Variants in IDE observed in about 807,000 individuals in gnomAD.
IDE encodes the protein insulin degrading enzyme.
A neutral mutation model predicts 133.2 loss-of-function variants in IDE; 58 were observed. The observed-to-expected ratio is 0.44, with a 90% CI of 0.35 to 0.54. IDE has a LOEUF of 0.54. Among genes scored for constraint, IDE ranks in the 20% least tolerant of loss-of-function variants. The probability of loss-of-function intolerance (pLI) is 0.00; values close to 1 mark genes in which losing one functional copy is unlikely to be tolerated. For missense variants in IDE, 981 were observed against 1,234.0 expected (o/e 0.79, Z 3.07); for synonymous variants, 396 against 421.3 (o/e 0.94, Z 0.73).
intron 1 of IDE, among the ~76,000 whole-genome samples, chr10:92,566,411 T>G (rs2901598): frequency 7.0e-6 from 1 of 142,952 alleles, no homozygotes; most frequent in Non-Finnish European, 1.5e-5. Flanking sequence ...TCTCTCTCTC[T>G]CTCACACACA....
chr10:92,558,534 T>C (rs1429471414), intron 1 of IDE, among the ~76,000 whole-genome samples: 1 of 152,192 alleles, frequency 6.6e-6, no homozygotes, highest in African/African-American at 2.4e-5. Flanking sequence ...ACCTATAGAA[T>C]GGCATAAAAT....
chr10:92,522,861 T>C (rs1849307051), intron 4 of IDE, among the ~76,000 whole-genome samples: 1 of 152,068 alleles, frequency 6.6e-6, no homozygotes, highest in African/African-American at 2.4e-5. Context: ...TAGCACTCAA[T>C]AAAAATTAGC....
At chr10:92,498,856 A>C (rs1468141207) in intron 11 of IDE, among the ~76,000 whole-genome samples, 1 of 152,214 alleles carries the variant, frequency 6.6e-6, no homozygotes, top group Non-Finnish European at 1.5e-5. Context: ...CCTGGAAAAC[A>C]GATTGTCTAA....
chr10:92,474,717 T>C (rs1485915481), intron 17 of IDE, 124 bp downstream of exon 17: 2 of 811,752 alleles, frequency 2.5e-6, no homozygotes, highest in East Asian at 2.8e-5. Context: ...ATAAAACATA[T>C]ACACAGCCAG....
intron 4 of IDE, among the ~76,000 whole-genome samples, chr10:92,524,815 G>T (rs1330062327): frequency 6.6e-6 from 1 of 151,568 alleles, no homozygotes; most frequent in Non-Finnish European, 1.5e-5. Flanking sequence ...CCAGCTTCTT[G>T]AAAGGCTGAG....
Position 92,463,774 on chromosome 10 carries a change from T to C in IDE, c.2718A>G (p.Lys906=), listed in dbSNP as rs768737548. Reference sequence around the variant, plus strand: ...GCTGGGAGATGATTTCTCCCCAGTATTTAGCACACTCAGCAGATAGCTTCT... The same window carrying C: ...GCTGGGAGATGATTTCTCCCCAGTACTTAGCACACTCAGCAGATAGCTTCT... ...KPKKLSAECA[K]YWGEIISQQY... is the part of the protein sequence containing the mutation. The change falls in exon 21 of 25, where the codon AAA becomes AAG. Residue 906 remains lysine (K), a synonymous_variant. Transcript: ENST00000265986. 1 of 1,614,214 alleles carries C rather than the reference T, an allele frequency of 6.2e-7. No individual in the cohort carries two copies. Among genetic ancestry groups the C allele is most frequent in the Non-Finnish European group, 8.5e-7 (1 of 1,180,012 alleles).
chr10:92,550,545 G>A (rs1192073387), intron 1 of IDE, among the ~76,000 whole-genome samples: 2 of 151,952 alleles, frequency 1.3e-5, no homozygotes, highest in Non-Finnish European at 2.9e-5. Flanking sequence ...CAGCCAATCG[G>A]GAGGCTGAGA....
chr10:92,456,859 A>G (rs1314802584), intron 22 of IDE, among the ~76,000 whole-genome samples: 2 of 149,674 alleles, frequency 1.3e-5, no homozygotes, highest in Non-Finnish European at 3.0e-5. Flanking sequence ...AAAAAAAAAA[A>G]AAAAAAAAAA....
chr10:92,569,372 T>C (rs997652247), intron 1 of IDE, among the ~76,000 whole-genome samples: 2 of 152,218 alleles, frequency 1.3e-5, no homozygotes, highest in African/African-American at 4.8e-5. Context: ...GGTTTATTAA[T>C]CTGATGTGAT....
intron 2 of IDE, among the ~76,000 whole-genome samples, chr10:92,536,588 C>T (rs1842017792): frequency 6.6e-6 from 1 of 150,790 alleles, no homozygotes; most frequent in South Asian, 2.1e-4. Flanking sequence ...ATCCCAGCTA[C>T]TTGGGAGGCT....
rs188561708 is a variant in IDE, at chr10:92,568,076, C to A, written c.98+5846G>T. Among the ~76,000 whole-genome samples, 12 of 152,366 alleles carry A rather than the reference C, an allele frequency of 7.9e-5. No individual in the cohort carries two copies. In the East Asian group the frequency reaches 1.5e-3, roughly 20 times the overall value. On this transcript the variant is annotated intron_variant, in intron 1 of 24. Coordinates refer to ENST00000265986, the MANE Select transcript of IDE (RefSeq NM_004969.4). ...TGTTCTCTGCAAAGCTCTCGCCATT[C>A]TTACTAGCAGCAGGGTGTTCTCAGC...
Position 92,487,208 on chromosome 10 carries a change from A to G in IDE, c.1644T>C (p.Pro548=). The G allele has an allele frequency of 6.2e-7, 1 of 1,612,586 alleles. No individual in the cohort carries two copies. Among genetic ancestry groups the G allele is most frequent in the Non-Finnish European group, 8.5e-7 (1 of 1,179,504 alleles). The change falls in exon 13 of 25, where the codon CCT becomes CCC. Residue 548 remains proline (P), a synonymous_variant. Transcript: ENST00000265986. ...LPLEKEATPY[P]ALIKDTAMSK... ...TCAAACACATTACCTTAATAAGAGCAGGGTATGGTGTCGCCTCTTTTTCTA... is the reference window on the plus strand; with the variant it reads ...TCAAACACATTACCTTAATAAGAGCGGGGTATGGTGTCGCCTCTTTTTCTA...
chr10:92,463,790 G>A lies in IDE; in HGVS notation c.2702C>T (p.Ser901Phe), dbSNP rs1485229448. The A allele has an allele frequency of 1.5e-5, 25 of 1,614,028 alleles. No individual in the cohort carries two copies. The highest frequency in any genetic ancestry group is 2.1e-5 in the Non-Finnish European group (25 of 1,179,980). ...TCCCCAGTATTTAGCACACTCAGCA[G>A]ATAGCTTCTTTGGTTTGTCTAGTCG... ...IRRLDKPKKL[S>F]AECAKYWGEI... Residue 901 changes from serine to phenylalanine, a missense_variant, in exon 21 of 25, where the codon TCT becomes TTT. Around this residue, in one of 2 missense-constraint regions of IDE, gnomAD observed 660 missense variants for 894.7 expected, o/e 0.74. Coordinates refer to ENST00000265986, the MANE Select transcript of IDE (RefSeq NM_004969.4).
rs764826071 is a variant in IDE, at chr10:92,507,652, T to C, written c.1168A>G (p.Ile390Val). 2 of 1,582,438 alleles carry C rather than the reference T, an allele frequency of 1.3e-6. No individual in the cohort carries two copies. Among genetic ancestry groups the C allele is most frequent in the Non-Finnish European group, 1.7e-6 (2 of 1,151,100 alleles). The change falls in exon 9 of 25, where the codon ATA (isoleucine) becomes GTA (valine). Residue 390 changes from isoleucine to valine, a missense_variant. Around this residue, in one of 2 missense-constraint regions of IDE, gnomAD observed 660 missense variants for 894.7 expected, o/e 0.74. Transcript: ENST00000265986. ...TEEGLLHVED[I>V]ILHMFQYIQK... Reference sequence around the variant, plus strand: ...ATGTATTGAAACATGTGCAAAATTATATCTTCAACATGTACTGGAAAAAAG... The same window carrying C: ...ATGTATTGAAACATGTGCAAAATTACATCTTCAACATGTACTGGAAAAAAG...
chr10:92,538,446 A>G (rs1192347980), intron 1 of IDE, among the ~76,000 whole-genome samples: 1 of 152,234 alleles, frequency 6.6e-6, no homozygotes, highest in Non-Finnish European at 1.5e-5. Context: ...GGCAGCAATA[A>G]CAAGGACATA....
At chr10:92,479,108 T>G (rs993919909) in intron 15 of IDE, among the ~76,000 whole-genome samples, 169 bp downstream of exon 15, 4 of 151,926 alleles carry the variant, frequency 2.6e-5, no homozygotes, top group African/African-American at 9.7e-5. Context: ...TGGTATGTAG[T>G]TGAACACTTA....
At chr10:92,476,463 C>T (rs746441775) in intron 15 of IDE, among the ~76,000 whole-genome samples, 4 of 152,102 alleles carry the variant, frequency 2.6e-5, no homozygotes, top group Non-Finnish European at 4.4e-5. Flanking sequence ...GTGTGAGCCA[C>T]CATGCCCAGC....
intron 12 of IDE, among the ~76,000 whole-genome samples, chr10:92,489,138 C>A (rs1847197921): frequency 6.6e-6 from 1 of 152,168 alleles, no homozygotes; most frequent in African/African-American, 2.4e-5. Flanking sequence ...ACTTTCGGCA[C>A]TGGGGACGTT....
intron 1 of IDE, among the ~76,000 whole-genome samples, chr10:92,573,613 G>A (rs1843899741): frequency 6.6e-6 from 1 of 152,226 alleles, no homozygotes; most frequent in African/African-American, 2.4e-5. Context: ...CAGGCCGGGT[G>A]ACTCTGTCCG....
Sources: gnomAD v4.1 joint callset for allele counts (sites outside exome capture counted in the v4.1 genomes callset) on GRCh38, gnomAD v4.1.1 for gene constraint, gnomAD v4.1.1 regional missense constraint, MANE v1.5 for transcripts, NCBI Gene and HGNC (gene_info 2026-07-23, HGNC 2026-07-21) for gene names.